PARN: variants seen among roughly 807,000 people sequenced by gnomAD.
PARN encodes poly(A)-specific ribonuclease, also known as poly(A)-specific ribonuclease PARN.
PARN carries 71 observed loss-of-function variants against 102.8 expected under a neutral mutation model. The observed-to-expected ratio is 0.69, with a 90% confidence interval of 0.57 to 0.84. The LOEUF is 0.84. Among genes scored for constraint, PARN ranks in the 40% least tolerant of loss-of-function variants. The pLI, the probability that PARN is intolerant of heterozygous loss-of-function variation, is 0.00. For synonymous variants in PARN, 261 were observed against 252.9 expected (o/e 1.03, Z -0.30); for missense variants, 782 against 760.9 (o/e 1.03, Z -0.33).
At chr16:14,528,220 C>T (rs1966114682) in intron 21 of PARN, among the ~76,000 whole-genome samples, 1 of 152,168 alleles carries the variant, frequency 6.6e-6, no homozygotes, top group Non-Finnish European at 1.5e-5. Flanking sequence ...TATGAACCTA[C>T]TCAAAAGTTA....
At chr16:14,599,650 T>C (rs924782168) in intron 12 of PARN, among the ~76,000 whole-genome samples, 3 of 152,204 alleles carry the variant, frequency 2.0e-5, no homozygotes, top group Admixed American at 6.5e-5. Flanking sequence ...TGTAGCCATA[T>C]AAGGACAACA....
intron 21 of PARN, among the ~76,000 whole-genome samples, chr16:14,531,933 T>G (rs1255588508): frequency 6.7e-6 from 1 of 149,608 alleles, no homozygotes; most frequent in Non-Finnish European, 1.5e-5. Context: ...CATGGTTGCA[T>G]GCACCTATAG....
intron 18 of PARN, among the ~76,000 whole-genome samples, chr16:14,573,627 G>T (rs1245632217): frequency 6.6e-6 from 1 of 152,168 alleles, no homozygotes; most frequent in Admixed American, 6.5e-5. Flanking sequence ...ATCTTGAATT[G>T]TAACTCTCAC....
intron 21 of PARN, among the ~76,000 whole-genome samples, chr16:14,509,738 T>C (rs538815707): frequency 1.3e-5 from 2 of 152,314 alleles, no homozygotes; most frequent in African/African-American, 4.8e-5. Context: ...AGTGTAAAAC[T>C]TGCTTCATAT....
At chr16:14,592,643 T>G (rs970382579) in intron 13 of PARN, among the ~76,000 whole-genome samples, 1 of 152,134 alleles carries the variant, frequency 6.6e-6, no homozygotes, top group Non-Finnish European at 1.5e-5. Context: ...AAGAATTCTG[T>G]AGGACTGGAC....
intron 21 of PARN, chr16:14,501,457 A>AAAAAAAAAAAAAAAAAAAAAAG (rs1442212254): frequency 7.0e-6 from 1 of 143,696 alleles, no homozygotes; most frequent in Non-Finnish European, 1.5e-5. Flanking sequence ...AAAAAAAAAA[A>AAAAAAAAAAAAAAAAAAAAAAG]AAACAGAAAG....
chr16:14,480,413 A>G (rs1211087316), intron 22 of PARN, among the ~76,000 whole-genome samples: 1 of 152,216 alleles, frequency 6.6e-6, no homozygotes, highest in Non-Finnish European at 1.5e-5. Flanking sequence ...AATTGAAAAA[A>G]TACACGTGCA....
At chr16:14,596,572 C>CA (rs1043128042) in intron 12 of PARN, among the ~76,000 whole-genome samples, 20 of 150,772 alleles carry the variant, frequency 1.3e-4, no homozygotes, top group South Asian at 1.3e-3. Flanking sequence ...CCCTTCTCCA[C>CA]AAAAAAAATA....
In PARN at chr16:14,630,223, CAGCCGCAG is replaced by C; in HGVS notation, c.-106_-99del. 9.0e-7 allele frequency: 1 copy of C among 1,112,938 alleles called. No homozygotes were observed. Among genetic ancestry groups the C allele is most frequent in the Non-Finnish European group, 1.3e-6 (1 of 768,838 alleles). The allele number at this position is 1,112,938 out of a possible 1,614,324, so 68.9% of individuals were successfully genotyped here. ...GCGGCGACTGCGGCAGTAGCTGAGGCAGCCGCAGCGGTGACGCCGGCCGCGACTTCCGG... is the reference window on the plus strand; with the variant it reads ...GCGGCGACTGCGGCAGTAGCTGAGGCCGGTGACGCCGGCCGCGACTTCCGG... On this transcript the variant is annotated 5_prime_UTR_variant, in exon 1 of 24. Coordinates refer to ENST00000437198, the MANE Select transcript of PARN (RefSeq NM_002582.4).
intron 21 of PARN, among the ~76,000 whole-genome samples, chr16:14,510,473 C>CA (rs1215583595): frequency 6.6e-6 from 1 of 151,934 alleles, no homozygotes; most frequent in Non-Finnish European, 1.5e-5. Flanking sequence ...TACACTGAAC[C>CA]ACAAATTATA....
Position 14,497,727 on chromosome 16 carries a change from G to A in PARN, c.1481-14900C>T, listed in dbSNP as rs537010442. ...TCTGTTTGTGTATAAGCTAATATAG[G>A]AGCTGCTGGGCTGCACTATTTACAC... On this transcript the variant is annotated intron_variant, in intron 21 of 23. Transcript: ENST00000437198. 2.6e-5 allele frequency among the ~76,000 whole-genome samples: 4 copies of A among 152,210 alleles called. No individual in the cohort carries two copies. In the South Asian group the frequency reaches 8.3e-4, roughly 32 times the overall value.
rs371205258 is a variant in PARN, at chr16:14,628,111, T to G, written c.177+61A>C. On this transcript the variant is annotated intron_variant, in intron 3 of 23. Coordinates refer to ENST00000437198, the MANE Select transcript of PARN (RefSeq NM_002582.4). ...TGCACAAGTTTAGTAACAATATTTA[T>G]CATTTAACATAAGGAAGACTAACAT... The G allele has an allele frequency of 8.9e-5, 85 of 959,600 alleles. No homozygotes were observed. In the African/African-American group the frequency reaches 1.2e-3, roughly 14 times the overall value. 59.4% of individuals were successfully genotyped at this position (959,600 alleles called of 1,614,324 possible).
chr16:14,441,448 A>G (rs555078895), intron 23 of PARN, among the ~76,000 whole-genome samples: 9 of 152,358 alleles, frequency 5.9e-5, no homozygotes, highest in Admixed American at 2.0e-4. Context: ...GCTGCACAGG[A>G]CACTGGAAGC....
intron 14 of PARN, among the ~76,000 whole-genome samples, chr16:14,586,087 C>G (rs566766502): frequency 2.0e-5 from 3 of 149,704 alleles, no homozygotes; most frequent in African/African-American, 7.4e-5. Context: ...TCAAGCAATT[C>G]GCCCACTTCA....
chr16:14,483,395 A>G (rs1028833225), intron 21 of PARN, among the ~76,000 whole-genome samples: 13 of 152,252 alleles, frequency 8.5e-5, no homozygotes, highest in Admixed American at 8.5e-4. Context: ...AAGCAGGATC[A>G]CAGAGGTCAG....
chr16:14,606,667 A>G, intron 9 of PARN, 141 bp from the exon 10 acceptor site: 1 of 470,068 alleles, frequency 2.1e-6, no homozygotes, highest in Non-Finnish European at 3.8e-6. Context: ...GAGACTTTAC[A>G]GCACATTTAT....
chr16:14,617,160 A>G (rs543312010), intron 6 of PARN, among the ~76,000 whole-genome samples: 9 of 151,430 alleles, frequency 5.9e-5, no homozygotes, highest in Non-Finnish European at 8.8e-5. Flanking sequence ...CAAGGTGGGC[A>G]GATCACGAGG....
chr16:14,610,909 C>A lies in PARN; in HGVS notation c.389-100G>T, dbSNP rs530271857. 12 of 730,700 alleles carry A rather than the reference C, an allele frequency of 1.6e-5. No individual in the cohort carries two copies. In the African/African-American group the frequency reaches 2.1e-4, roughly 13 times the overall value. 45.3% of individuals were successfully genotyped at this position (730,700 alleles called of 1,614,324 possible). A position where few individuals can be genotyped will look rare whatever the true frequency, so the allele number is the denominator to read the frequency against. ...GTCTAAATTACTCAGGAAAGATTTA[C>A]CATATTTAACTACATCTCAAAAAAT... is the stretch of plus-strand genomic sequence containing the variant. On this transcript the variant is annotated intron_variant, in intron 6 of 23. Coordinates refer to ENST00000437198, the MANE Select transcript of PARN (RefSeq NM_002582.4).
intron 5 of PARN, 133 bp from the exon 6 acceptor site, chr16:14,617,783 A>G: frequency 1.5e-6 from 1 of 650,936 alleles, no homozygotes; most frequent in Non-Finnish European, 2.8e-6. Context: ...GTCACAATAC[A>G]AGGAATTTCT....
Sources: gnomAD v4.1 joint callset for allele counts (sites outside exome capture counted in the v4.1 genomes callset) on GRCh38, gnomAD v4.1.1 for gene constraint, MANE v1.5 for transcripts, NCBI Gene and HGNC (gene_info 2026-07-23, HGNC 2026-07-21) for gene names.